The following NFRKB variants were observed in gnomAD, a reference collection of about 807,000 sequenced individuals.
The protein encoded by NFRKB is nuclear factor related to kappaB binding protein.
NFRKB carries 62 observed loss-of-function variants against 135.7 expected under a neutral mutation model. The ratio of observed to expected loss-of-function variants is 0.46; its 90% CI spans 0.37 to 0.56. The LOEUF is 0.56. Among genes scored for constraint, NFRKB ranks in the 20% least tolerant of loss-of-function variants. The probability of loss-of-function intolerance (pLI) is 0.00; values close to 1 mark genes in which losing one functional copy is unlikely to be tolerated. For synonymous variants in NFRKB, 678 were observed against 635.6 expected (o/e 1.07, Z -1.00); for missense variants, 1,545 against 1,662.0 (o/e 0.93, Z 1.22).
chr11:129,874,371 G>A lies in NFRKB; in HGVS notation c.2059-38C>T. On this transcript the variant is annotated intron_variant, in intron 20 of 26. Coordinates refer to ENST00000682444, the MANE Select transcript of NFRKB (RefSeq NM_001143835.2). This position sits in a 1 kb window ranked among gnomAD's most constrained non-coding sequence, Gnocchi z 4.5. ...ACAAAGAAAACTCACCTGGTGTCGT[G>A]AAGATCCCCCTAAAGGAAGGGACAC... 6.6e-7 allele frequency: 1 copy of A among 1,519,906 alleles called. No individual in the cohort carries two copies. The highest frequency in any genetic ancestry group is 8.8e-7 in the Non-Finnish European group (1 of 1,136,572). 94.2% of individuals were successfully genotyped at this position (1,519,906 alleles called of 1,614,324 possible).
In NFRKB at chr11:129,873,012, C is replaced by T; in HGVS notation, c.2635G>A (p.Val879Met). 2 of 1,614,216 alleles carry T rather than the reference C, an allele frequency of 1.2e-6. No individual in the cohort carries two copies. Among genetic ancestry groups the T allele is most frequent in the East Asian group, 2.2e-5 (1 of 44,876 alleles). ...RPGPGQTGLT[V>M]TSLPATASPV... ...CTGGCTGTGGCAGGGAGACTTGTCACCGTGAGCCCTGTCTGCCCGGGTCCA... is the reference window on the plus strand; with the variant it reads ...CTGGCTGTGGCAGGGAGACTTGTCATCGTGAGCCCTGTCTGCCCGGGTCCA... Residue 879 changes from valine (V) to methionine (M), a missense_variant, in exon 23 of 27, where the codon GTG becomes ATG. Around this residue, in one of 3 missense-constraint regions of NFRKB, gnomAD observed 753 missense variants for 804.3 expected, o/e 0.94. Coordinates refer to ENST00000682444, the MANE Select transcript of NFRKB (RefSeq NM_001143835.2).
rs150592850 is a variant in NFRKB, at chr11:129,892,558, A to G, written c.135+157T>C. Among the ~76,000 whole-genome samples, 727 of 152,330 alleles carry G rather than the reference A, an allele frequency of 4.8e-3. 7 individuals are homozygous for G. Among genetic ancestry groups the G allele is most frequent in the African/African-American group, 0.017 (687 of 41,564 alleles). ...CTTAATCGGATATTAAATAGACTCT[A>G]AACTTAAAAAAAAGATAAGAGATCA... On this transcript the variant is annotated intron_variant, in intron 3 of 26. Transcript: ENST00000682444.
At chr11:129,882,013 C>A in intron 11 of NFRKB, 73 bp downstream of exon 11, 2 of 1,465,148 alleles carry the variant, frequency 1.4e-6, no homozygotes, top group African/African-American at 1.4e-5. Context: ...TTCCACTTCT[C>A]AAGCTATAGA....
At chr11:129,893,128 C>T (rs1949631608) in intron 2 of NFRKB, 9 of 1,315,950 alleles carry the variant, frequency 6.8e-6, no homozygotes, top group Non-Finnish European at 8.8e-6. Flanking sequence ...CATATGCCTT[C>T]ATTTTACAGA....
chr11:129,893,543 G>A (rs1414533154), intron 2 of NFRKB, among the ~76,000 whole-genome samples: 2 of 147,344 alleles, frequency 1.4e-5, no homozygotes, highest in African/African-American at 5.0e-5. Flanking sequence ...CTGGGCAACA[G>A]AGACCCTGTC....
At position 129,869,616 on chromosome 11, in the gene NFRKB, C is replaced by G; in HGVS notation, c.3409G>C (p.Ala1137Pro). The G allele has an allele frequency of 6.2e-7, 1 of 1,614,186 alleles. No homozygotes were observed. Among genetic ancestry groups the G allele is most frequent in the South Asian group, 1.1e-5 (1 of 91,074 alleles). ...SAVSLPSMNA[A>P]VSKTVAVASG... Reference sequence around the variant, plus strand: ...GCCACAGCTACAGTCTTGGACACAGCAGCATTCATACTGGGTAAGGACACC... The same window carrying G: ...GCCACAGCTACAGTCTTGGACACAGGAGCATTCATACTGGGTAAGGACACC... The change falls in exon 24 of 27, where the codon GCT becomes CCT. Residue 1137 changes from alanine to proline, a missense_variant. Ala to Pro is a conservative substitution (Grantham distance 27, BLOSUM62 -1). Around this residue, in one of 3 missense-constraint regions of NFRKB, gnomAD observed 753 missense variants for 804.3 expected, o/e 0.94. Coordinates refer to ENST00000682444, the MANE Select transcript of NFRKB (RefSeq NM_001143835.2).
intron 16 of NFRKB, 43 bp from the exon 17 acceptor site, chr11:129,876,938 G>C (rs779682361): frequency 2.7e-5 from 43 of 1,576,862 alleles, no homozygotes; most frequent in Non-Finnish European, 3.6e-5. Context: ...CAGAATTAGT[G>C]GGGTTCTCTC....
At chr11:129,882,380 T>C in intron 10 of NFRKB, 71 bp downstream of exon 10, 20 of 1,539,546 alleles carry the variant, frequency 1.3e-5, no homozygotes, top group Non-Finnish European at 1.5e-5. Context: ...CGACAAGCCC[T>C]AGGGGCCAGG....
At position 129,882,204 on chromosome 11, in the gene NFRKB, G is replaced by C. The variant is rs763215500; in HGVS notation, c.1083-10C>G. On this transcript the variant is annotated splice_polypyrimidine_tract_variant and intron_variant, in intron 10 of 26. Transcript: ENST00000682444. ...GAGGTCTTCAAGGGGCCTAATGAGGGAAGAAAAATATAAGAACCAAAAAGA... is the reference window on the plus strand; with the variant it reads ...GAGGTCTTCAAGGGGCCTAATGAGGCAAGAAAAATATAAGAACCAAAAAGA... 2.5e-6 allele frequency: 4 copies of C among 1,589,004 alleles called. No homozygotes were observed. The East Asian group carries it at 8.9e-5, about 35-fold the overall frequency.
chr11:129,869,924 G>C lies in NFRKB; in HGVS notation c.3101C>G (p.Ser1034Cys). ...AKASSASAPS[S>C]TPTGTTVVKV... ...GACCACAGTGGTACCTGTTGGAGTG[G>C]ATGAAGGGGCACTGGCTGAACTGGC... Residue 1034 changes from serine (S) to cysteine (C), a missense_variant, in exon 24 of 27, where the codon TCC (serine) becomes TGC (cysteine). Ser to Cys is a moderately radical substitution (Grantham distance 112). Transcript: ENST00000682444. 6 of 1,614,246 alleles carry C rather than the reference G, an allele frequency of 3.7e-6. No individual in the cohort carries two copies. The highest frequency in any genetic ancestry group is 4.2e-6 in the Non-Finnish European group (5 of 1,180,046).
Position 129,884,602 on chromosome 11 carries a change from CTT to C in NFRKB, c.742+141_742+142del, listed in dbSNP as rs563937883. The stretch of plus-strand genomic sequence containing the variant: ...AAAAAAAAGTAAAATGGTACAAAAA[CTT>C]TGCCAAACAAATCACCTAGTTCTAG... On this transcript the variant is annotated intron_variant, in intron 7 of 26. Coordinates refer to ENST00000682444, the MANE Select transcript of NFRKB (RefSeq NM_001143835.2). 4.1e-4 allele frequency: 384 copies of C among 947,348 alleles called. 7 individuals are homozygous for C. The South Asian group carries it at 6.3e-3, about 16-fold the overall frequency. 58.7% of individuals were successfully genotyped at this position (947,348 alleles called of 1,614,324 possible).
In NFRKB at chr11:129,874,695, G is replaced by C. The variant is rs976863555; in HGVS notation, c.1978+98C>G. ...GACTGAATCCTGCCTCTACCATCTT[G>C]TCCTACCTATATGCCAATGAAAAGA... is the stretch of plus-strand genomic sequence containing the variant. On this transcript the variant is annotated intron_variant, in intron 19 of 26. Transcript: ENST00000682444. This position sits in a 1 kb window ranked among gnomAD's most constrained non-coding sequence, Gnocchi z 4.5. 1 of 1,605,280 alleles carries C rather than the reference G, an allele frequency of 6.2e-7. No individual in the cohort carries two copies. Among genetic ancestry groups the C allele is most frequent in the Non-Finnish European group, 8.5e-7 (1 of 1,173,146 alleles).
chr11:129,868,457 G>A (rs1481642004), intron 24 of NFRKB, among the ~76,000 whole-genome samples: 2 of 152,210 alleles, frequency 1.3e-5, no homozygotes, highest in African/African-American at 2.4e-5. Flanking sequence ...AAGGTCTAGG[G>A]GAAACAGGAG....
intron 22 of NFRKB, 105 bp downstream of exon 22, chr11:129,873,640 A>G: frequency 1.4e-6 from 2 of 1,453,398 alleles, no homozygotes; most frequent in Non-Finnish European, 1.9e-6. Flanking sequence ...CAGTAGCAAT[A>G]ATCTATGGCT....
intron 7 of NFRKB, 123 bp from the exon 8 acceptor site, chr11:129,884,266 A>C (rs1056639847): frequency 1.0e-6 from 1 of 980,012 alleles, no homozygotes. Context: ...CAAGTACCAA[A>C]AATCTTTAAA....
At chr11:129,895,294 A>T (rs944323136) in intron 1 of NFRKB, among the ~76,000 whole-genome samples, 1 of 152,090 alleles carries the variant, frequency 6.6e-6, no homozygotes, top group African/African-American at 2.4e-5. Context: ...CAATCCTCAG[A>T]ACTGCACGGC....
chr11:129,890,129 G>A (rs1949488664), intron 3 of NFRKB, among the ~76,000 whole-genome samples: 1 of 151,692 alleles, frequency 6.6e-6, no homozygotes, highest in Admixed American at 6.6e-5. Flanking sequence ...GCAAAGGACG[G>A]CAAGCATTTT....
chr11:129,876,941 G>A (rs1366136970), intron 16 of NFRKB, 46 bp from the exon 17 acceptor site: 1 of 1,562,146 alleles, frequency 6.4e-7, no homozygotes, highest in Non-Finnish European at 8.7e-7. Context: ...AATTAGTGGG[G>A]TTCTCTCTCG....
rs1187325332 is a variant in NFRKB at position 129,878,562 on chromosome 11, G to A, written c.1385-19C>T. 1 of 1,597,760 alleles carries A rather than the reference G, an allele frequency of 6.3e-7. No homozygotes were observed. Among genetic ancestry groups the A allele is most frequent in the Non-Finnish European group, 8.6e-7 (1 of 1,167,416 alleles). ...GATTGGCCTATTAGAGGAATAAAGA[G>A]ATAAAAAAATAAGAAGGTCTAAGGT... is the stretch of plus-strand genomic sequence containing the variant. On this transcript the variant is annotated intron_variant, in intron 13 of 26. Coordinates refer to ENST00000682444, the MANE Select transcript of NFRKB (RefSeq NM_001143835.2).
Sources: gnomAD v4.1 joint callset for allele counts (sites outside exome capture counted in the v4.1 genomes callset) on GRCh38, gnomAD v4.1.1 for gene constraint, gnomAD v4.1.1 regional missense constraint, Gnocchi (gnomAD v3.1) non-coding constraint, MANE v1.5 for transcripts, NCBI Gene and HGNC (gene_info 2026-07-23, HGNC 2026-07-21) for gene names.